Variants in CAPZA1 observed in about 807,000 individuals in gnomAD.
The protein encoded by CAPZA1 is capping actin protein of muscle Z-line subunit alpha 1, also known as F-actin-capping protein subunit alpha-1.
Under a neutral mutation model 40.8 loss-of-function variants are expected in CAPZA1, and 10 were observed. The ratio of observed to expected loss-of-function variants is 0.25; its 90% CI spans 0.15 to 0.42. The LOEUF is 0.42. Ranked by LOEUF, CAPZA1 falls within the 10% of genes least tolerant of loss-of-function variation. The pLI is 1.00. For synonymous variants in CAPZA1, 98 were observed against 115.0 expected, an observed-to-expected ratio of 0.85 and a Z score of 0.95; for missense variants, 277 against 353.8, an observed-to-expected ratio of 0.78 and a Z score of 1.74.
At chr1:112,620,572 T>C (rs1670605635) in intron 1 of CAPZA1, 1 of 152,270 alleles carries the variant, frequency 6.6e-6, no homozygotes, top group East Asian at 1.9e-4. Context: ...ATTTTGTTTC[T>C]TGTTAACAAA....
intron 2 of CAPZA1, 73 bp downstream of exon 2, chr1:112,647,346 TCTTA>T: frequency 2.5e-6 from 2 of 786,872 alleles, no homozygotes; most frequent in Non-Finnish European, 1.9e-6. Context: ...CTGTTTTAAT[TCTTA>T]CGACTTGTTG....
intron 1 of CAPZA1, among the ~76,000 whole-genome samples, chr1:112,626,946 A>G (rs970912067): frequency 7.2e-5 from 11 of 152,240 alleles, no homozygotes; most frequent in African/African-American, 2.2e-4. Flanking sequence ...GTGGTAAGAG[A>G]ACTTTGCTTT....
At position 112,659,063 on chromosome 1, in the gene CAPZA1, A is replaced by G; in HGVS notation, c.468A>G (p.Ala156=). The G allele has an allele frequency of 6.2e-7, 1 of 1,613,642 alleles. No homozygotes were observed. Among genetic ancestry groups the G allele is most frequent in the Non-Finnish European group, 8.5e-7 (1 of 1,179,696 alleles). Residue 156 remains alanine (A), a synonymous_variant, in exon 6 of 10, where the codon GCA becomes GCG. Transcript: ENST00000263168. ...KTIDGQQTII[A]CIESHQFQPK... is the part of the protein sequence containing the mutation. ...TCGATGGGCAACAGACTATTATTGC[A>G]TGTATTGAAAGCCACCAGTTTCAGC...
rs1266642633 is a variant in CAPZA1 at position 112,670,352 on chromosome 1, ATCTTTTTT to A, written c.*230_*237del. On this transcript the variant is annotated 3_prime_UTR_variant, in exon 10 of 10. Coordinates refer to ENST00000263168, the MANE Select transcript of CAPZA1 (RefSeq NM_006135.3). ...CTGTTACTGCTATATCTACGTGTAA[ATCTTTTTT>A]TCTTTTTTTTTTTTTTTTTTTGGTT... is the stretch of plus-strand genomic sequence containing the variant. The A allele has an allele frequency of 1.6e-4, 41 of 258,534 alleles. No individual in the cohort carries two copies. The highest frequency in any genetic ancestry group is 1.3e-3 in the African/African-American group (36 of 27,618). The allele number at this position is 258,534 out of a possible 1,614,324, so 16.0% of individuals were successfully genotyped here. A position where few individuals can be genotyped will look rare whatever the true frequency, so the allele number is the denominator to read the frequency against.
intron 7 of CAPZA1, among the ~76,000 whole-genome samples, chr1:112,660,261 T>A (rs1317448605): frequency 6.6e-6 from 1 of 151,568 alleles, no homozygotes; most frequent in African/African-American, 2.4e-5. Context: ...GTAGATTGAT[T>A]GATTGATTGA....
At chr1:112,627,207 C>T (rs1218824913) in intron 1 of CAPZA1, among the ~76,000 whole-genome samples, 1 of 152,156 alleles carries the variant, frequency 6.6e-6, no homozygotes, top group African/African-American at 2.4e-5. Context: ...CATTTTGATT[C>T]CTTTAAGTAG....
At chr1:112,662,624 T>A (rs1312201767) in intron 7 of CAPZA1, among the ~76,000 whole-genome samples, 1 of 152,000 alleles carries the variant, frequency 6.6e-6, no homozygotes, top group East Asian at 1.9e-4. Context: ...GGTCTCGAAC[T>A]CCTGACCTTG....
intron 1 of CAPZA1, among the ~76,000 whole-genome samples, chr1:112,638,163 A>G (rs1183081888): frequency 2.6e-5 from 4 of 152,156 alleles, no homozygotes; most frequent in Non-Finnish European, 5.9e-5. Context: ...ATTTGAACAG[A>G]GACTAAATAA....
rs1040538989 is a variant in CAPZA1, at chr1:112,653,790, G to A, written c.219+129G>A. 80 of 633,232 alleles carry A rather than the reference G, an allele frequency of 1.3e-4. No homozygotes were observed. The East Asian group carries it at 2.1e-3, about 17-fold the overall frequency. The allele number at this position is 633,232 out of a possible 1,614,324, so 39.2% of individuals were successfully genotyped here. On this transcript the variant is annotated intron_variant, in intron 4 of 9. Transcript: ENST00000263168. ...AGTTTTTATAGTTTTTGTGTGTACT[G>A]TACGTGTTAGGATATTCTTCTCTTT...
At chr1:112,624,029 A>G (rs1362499775) in intron 1 of CAPZA1, among the ~76,000 whole-genome samples, 1 of 145,662 alleles carries the variant, frequency 6.9e-6, no homozygotes, top group Admixed American at 7.0e-5. Flanking sequence ...AAGAAAAAAG[A>G]AAAGAAAAAG....
chr1:112,662,817 C>A (rs771287398), intron 7 of CAPZA1, among the ~76,000 whole-genome samples: 6 of 152,112 alleles, frequency 3.9e-5, no homozygotes, highest in Admixed American at 6.6e-5. Flanking sequence ...TCTTTATTCT[C>A]GAACAAAAAG....
At chr1:112,636,189 AAATT>A (rs775364331) in intron 1 of CAPZA1, among the ~76,000 whole-genome samples, 6 of 152,214 alleles carry the variant, frequency 3.9e-5, no homozygotes, top group Non-Finnish European at 7.3e-5. Flanking sequence ...AAATCTAAGA[AAATT>A]AAGCCACTTC....
intron 4 of CAPZA1, among the ~76,000 whole-genome samples, chr1:112,654,188 C>A (rs1557735044): frequency 6.6e-6 from 1 of 151,910 alleles, no homozygotes; most frequent in Non-Finnish European, 1.5e-5. Context: ...AAAGTTATTA[C>A]AGCTATGTAT....
At chr1:112,646,605 ATTGC>A (rs1349353652) in intron 1 of CAPZA1, 4 of 152,282 alleles carry the variant, frequency 2.6e-5, no homozygotes, top group Non-Finnish European at 4.4e-5. Flanking sequence ...AGTTAGTGAC[ATTGC>A]TTATGTTTCA....
intron 1 of CAPZA1, among the ~76,000 whole-genome samples, chr1:112,644,723 A>C (rs569705756): frequency 6.6e-6 from 1 of 152,182 alleles, no homozygotes; most frequent in African/African-American, 2.4e-5. Context: ...GGGAATTTTC[A>C]TCCTTTCTCT....
intron 5 of CAPZA1, among the ~76,000 whole-genome samples, chr1:112,655,995 G>T (rs971583303): frequency 6.6e-6 from 1 of 152,074 alleles, no homozygotes; most frequent in Non-Finnish European, 1.5e-5. Flanking sequence ...ACAAAAATAT[G>T]ATATGTACAA....
intron 9 of CAPZA1, 73 bp from the exon 10 acceptor site, chr1:112,669,919 T>G: frequency 6.5e-7 from 1 of 1,537,244 alleles, no homozygotes; most frequent in Non-Finnish European, 9.0e-7. Context: ...ATCCATTGAC[T>G]ATAGCATTAC....
chr1:112,670,344 A>G lies in CAPZA1; in HGVS notation c.*212A>G, dbSNP rs1570730910. 1 of 364,788 alleles carries G rather than the reference A, an allele frequency of 2.7e-6. No homozygotes were observed. The highest frequency in any genetic ancestry group is 4.8e-6 in the Non-Finnish European group (1 of 206,230). The allele number at this position is 364,788 out of a possible 1,614,324, so 22.6% of individuals were successfully genotyped here. ...GTAATTTTCTGTTACTGCTATATCT[A>G]CGTGTAAATCTTTTTTTCTTTTTTT... On this transcript the variant is annotated 3_prime_UTR_variant, in exon 10 of 10. Coordinates refer to ENST00000263168, the MANE Select transcript of CAPZA1 (RefSeq NM_006135.3).
rs58051216 is a variant in CAPZA1, at chr1:112,670,362, CTTTT to C, written c.*246_*249del. On this transcript the variant is annotated 3_prime_UTR_variant, in exon 10 of 10. Transcript: ENST00000263168. The stretch of plus-strand genomic sequence containing the variant: ...TATATCTACGTGTAAATCTTTTTTT[CTTTT>C]TTTTTTTTTTTTTTTGGTTAATTCT... The C allele has an allele frequency of 1.4e-3, 210 of 150,170 alleles. No homozygotes were observed. The highest frequency in any genetic ancestry group is 3.3e-3 in the African/African-American group (89 of 26,662). The allele number at this position is 150,170 out of a possible 1,614,324, so 9.3% of individuals were successfully genotyped here. A position where few individuals can be genotyped will look rare whatever the true frequency, so the allele number is the denominator to read the frequency against.
Sources: gnomAD v4.1 joint callset for allele counts (sites outside exome capture counted in the v4.1 genomes callset) on GRCh38, gnomAD v4.1.1 for gene constraint, MANE v1.5 for transcripts, NCBI Gene and HGNC (gene_info 2026-07-23, HGNC 2026-07-21) for gene names.